Variants in FHIT observed in about 807,000 individuals in gnomAD.
The protein encoded by FHIT is bis(5'-adenosyl)-triphosphatase.
A neutral mutation model predicts 17.9 loss-of-function variants in FHIT; 19 were observed. The ratio of observed to expected loss-of-function variants is 1.06; its 90% CI spans 0.74 to 1.56. The LOEUF (loss-of-function observed/expected upper bound fraction) is 1.56. Among genes scored for constraint, FHIT ranks in the 40% most tolerant of loss-of-function variants. The pLI is 0.00. For synonymous variants in FHIT, 81 were observed against 69.7 expected (o/e 1.16, Z -0.81); for missense variants, 248 against 189.2 (o/e 1.31, Z -1.82).
intron 7 of FHIT, among the ~76,000 whole-genome samples, chr3:60,003,612 G>A (rs1699811173): frequency 6.6e-6 from 1 of 152,132 alleles, no homozygotes; most frequent in Non-Finnish European, 1.5e-5. Context: ...AGGCATGGTG[G>A]CTCGGGCCTG....
chr3:61,061,349 T>A (rs1369617217), intron 2 of FHIT, among the ~76,000 whole-genome samples: 3 of 152,160 alleles, frequency 2.0e-5, no homozygotes, highest in African/African-American at 7.2e-5. Context: ...GTGTTTCTCA[T>A]CTTTATCTAT....
intron 8 of FHIT, among the ~76,000 whole-genome samples, chr3:59,834,073 A>C (rs1010528172): frequency 6.6e-6 from 1 of 152,210 alleles, no homozygotes; most frequent in African/African-American, 2.4e-5. Flanking sequence ...TAATACAGCT[A>C]TATTGCCATA....
intron 2 of FHIT, among the ~76,000 whole-genome samples, chr3:61,123,683 T>TGCAA (rs968965614): frequency 3.9e-5 from 6 of 152,120 alleles, no homozygotes; most frequent in Admixed American, 3.3e-4. Flanking sequence ...ACATTATGCT[T>TGCAA]GCTCTGTTAA....
At chr3:60,013,433 C>A (rs1559548734) in intron 6 of FHIT, among the ~76,000 whole-genome samples, 1 of 152,196 alleles carries the variant, frequency 6.6e-6, no homozygotes, top group African/African-American at 2.4e-5. Flanking sequence ...TGATGACTCA[C>A]CATGGACATC....
At chr3:60,462,257 C>T (rs11924823) in intron 5 of FHIT, among the ~76,000 whole-genome samples, 21,493 of 152,130 alleles carry the variant, frequency 0.14, 2,804 homozygotes, top group African/African-American at 0.35. Flanking sequence ...ATTTACTCTC[C>T]ACCACACCTT....
At chr3:61,175,738 G>C (rs928632733) in intron 2 of FHIT, among the ~76,000 whole-genome samples, 2 of 152,062 alleles carry the variant, frequency 1.3e-5, no homozygotes, top group African/African-American at 4.8e-5. Flanking sequence ...TCCCTCCAGA[G>C]GATGCAGCAA....
intron 3 of FHIT, among the ~76,000 whole-genome samples, chr3:60,902,936 C>A (rs1706198703): frequency 6.6e-6 from 1 of 152,040 alleles, no homozygotes; most frequent in Non-Finnish European, 1.5e-5. Context: ...AAACAAGACA[C>A]AAAAAATGGT....
At chr3:59,788,741 C>T (rs17061223) in intron 8 of FHIT, among the ~76,000 whole-genome samples, 1,650 of 152,212 alleles carry the variant, frequency 0.011, 33 homozygotes, top group African/African-American at 0.037. Context: ...TGCACATTAA[C>T]CTGCCACCCA....
chr3:60,299,216 C>A (rs762935403), intron 5 of FHIT, among the ~76,000 whole-genome samples: 1 of 152,020 alleles, frequency 6.6e-6, no homozygotes, highest in Non-Finnish European at 1.5e-5. Flanking sequence ...GGTTGACATG[C>A]GGTAGATTCC....
chr3:60,253,165 T>C (rs1387960045), intron 5 of FHIT, among the ~76,000 whole-genome samples: 2 of 152,178 alleles, frequency 1.3e-5, no homozygotes, highest in African/African-American at 4.8e-5. Context: ...TACACTCCAG[T>C]GAGCAAATCA....
At chr3:61,031,504 T>C (rs1575872413) in intron 3 of FHIT, among the ~76,000 whole-genome samples, 1 of 152,170 alleles carries the variant, frequency 6.6e-6, no homozygotes, top group South Asian at 2.1e-4. Flanking sequence ...TTAAATAGTT[T>C]CAATTTTTTC....
intron 5 of FHIT, among the ~76,000 whole-genome samples, chr3:60,065,532 A>T (rs1702463971): frequency 6.6e-6 from 1 of 152,138 alleles, no homozygotes; most frequent in Non-Finnish European, 1.5e-5. Context: ...GTACCTGAGA[A>T]ATTCTGGAAT....
intron 2 of FHIT, among the ~76,000 whole-genome samples, chr3:61,146,524 G>A (rs2037230893): frequency 6.6e-6 from 1 of 152,050 alleles, no homozygotes; most frequent in South Asian, 2.1e-4. Flanking sequence ...AGTAAAAGCA[G>A]TTTTATGCAT....
chr3:59,972,646 T>C (rs1049903793), intron 7 of FHIT, among the ~76,000 whole-genome samples: 1 of 152,238 alleles, frequency 6.6e-6, no homozygotes, highest in Non-Finnish European at 1.5e-5. Flanking sequence ...CCAAGTCCTA[T>C]GAGTTCACAG....
At chr3:60,504,989 C>A (rs547691428) in intron 5 of FHIT, among the ~76,000 whole-genome samples, 25 of 152,288 alleles carry the variant, frequency 1.6e-4, no homozygotes, top group African/African-American at 5.8e-4. Flanking sequence ...ACCAACAGGT[C>A]CCAGGGGACA....
At chr3:59,894,458 G>C (rs1703981032) in intron 8 of FHIT, among the ~76,000 whole-genome samples, 3 of 152,090 alleles carry the variant, frequency 2.0e-5, no homozygotes, top group African/African-American at 2.4e-5. Context: ...TTGCTAATTG[G>C]CATTGCAGAG....
intron 5 of FHIT, among the ~76,000 whole-genome samples, chr3:60,471,024 C>A: frequency 6.6e-6 from 1 of 152,324 alleles, no homozygotes; most frequent in Non-Finnish European, 1.5e-5. Context: ...GAAGCCAAGG[C>A]CTAGAACAGA....
chr3:59,848,246 T>G (rs975766175), intron 8 of FHIT, among the ~76,000 whole-genome samples: 3 of 152,148 alleles, frequency 2.0e-5, no homozygotes, highest in African/African-American at 7.2e-5. Flanking sequence ...TAATCACAAT[T>G]TGTGCCCCTT....
chr3:60,181,707 G>T (rs765547382), intron 5 of FHIT, among the ~76,000 whole-genome samples: 1 of 152,178 alleles, frequency 6.6e-6, no homozygotes, highest in Non-Finnish European at 1.5e-5. Context: ...GTCTCACAAA[G>T]TGAAAAGCTC....
Sources: allele counts gnomAD v4.1 joint callset (sites outside exome capture counted in the v4.1 genomes callset), GRCh38; gene constraint gnomAD v4.1.1; transcripts MANE v1.5; gene names NCBI Gene and HGNC (gene_info 2026-07-23, HGNC 2026-07-21).